The following CPB2 variants were observed in gnomAD, a reference collection of about 807,000 sequenced individuals.
CPB2 encodes carboxypeptidase B-like protein.
In CPB2, 54 loss-of-function variants were observed where a neutral mutation model predicts 57.0. That is an observed-to-expected ratio of 0.95 (90% CI 0.76 to 1.19). The LOEUF (loss-of-function observed/expected upper bound fraction) is 1.19, where lower values mean the gene tolerates loss of function less well. Ranked by LOEUF, CPB2 falls within the 50% of genes most tolerant of loss-of-function variation. The pLI, the probability that CPB2 is intolerant of heterozygous loss-of-function variation, is 0.00. For synonymous variants in CPB2, 189 were observed against 178.1 expected, an observed-to-expected ratio of 1.06 and a Z score of -0.49; for missense variants, 426 against 512.0, an observed-to-expected ratio of 0.83 and a Z score of 1.62.
chr13:46,072,316 C>A (rs911719095), intron 6 of CPB2, among the ~76,000 whole-genome samples: 2 of 152,132 alleles, frequency 1.3e-5, no homozygotes, highest in Admixed American at 6.5e-5. Context: ...CCTACCTTCA[C>A]AATTGTTGAA....
intron 1 of CPB2, among the ~76,000 whole-genome samples, chr13:46,102,631 C>G (rs2045451235): frequency 6.8e-6 from 1 of 146,528 alleles, no homozygotes; most frequent in Admixed American, 6.8e-5. Context: ...TATTCTGAAC[C>G]CCAGCAACAA....
Position 46,087,781 on chromosome 13 carries a change from T to C in CPB2, c.114A>G (p.Gln38=). Reference sequence around the variant, plus strand: ...TAGTAAGATTCTGTAGAACTTGAACTTGCCTAGAGGTTCTAGGAAGAGCAG... The same window carrying C: ...TAGTAAGATTCTGTAGAACTTGAACCTGCCTAGAGGTTCTAGGAAGAGCAG... The part of the protein sequence containing the change: ...VLAALPRTSR[Q]VQVLQNLTTT... The change falls in exon 2 of 11, where the codon CAA becomes CAG. Residue 38 remains glutamine, a synonymous_variant. Transcript: ENST00000181383. 2 of 1,611,396 alleles carry C rather than the reference T, an allele frequency of 1.2e-6. No individual in the cohort carries two copies. The highest frequency in any genetic ancestry group is 1.7e-6 in the Non-Finnish European group (2 of 1,179,008).
intron 6 of CPB2, among the ~76,000 whole-genome samples, chr13:46,072,206 T>G (rs2044953007): frequency 6.6e-6 from 1 of 152,238 alleles, no homozygotes; most frequent in African/African-American, 2.4e-5. Context: ...GACTAGATTA[T>G]AAGATTTTTG....
chr13:46,092,182 C>G (rs2045303118), intron 1 of CPB2, among the ~76,000 whole-genome samples: 1 of 152,168 alleles, frequency 6.6e-6, no homozygotes, highest in Non-Finnish European at 1.5e-5. Flanking sequence ...CAGTTATACC[C>G]TCCTTTATGA....
chr13:46,097,953 C>T (rs1456340289), intron 1 of CPB2, among the ~76,000 whole-genome samples: 1 of 152,204 alleles, frequency 6.6e-6, no homozygotes, highest in African/African-American at 2.4e-5. Context: ...TCAGTTTCCT[C>T]ATGCTGATTG....
intron 8 of CPB2, among the ~76,000 whole-genome samples, chr13:46,062,178 G>A (rs752070679): frequency 6.6e-6 from 1 of 151,868 alleles, no homozygotes; most frequent in Non-Finnish European, 1.5e-5. Context: ...TGACTACTTG[G>A]CTATCCAAAT....
chr13:46,101,547 G>A (rs1242248051), intron 1 of CPB2, among the ~76,000 whole-genome samples: 1 of 152,110 alleles, frequency 6.6e-6, no homozygotes, highest in East Asian at 1.9e-4. Flanking sequence ...ACCCCACTAC[G>A]CAAAATGTCA....
chr13:46,070,221 G>A (rs757138661), intron 6 of CPB2, among the ~76,000 whole-genome samples: 1 of 152,140 alleles, frequency 6.6e-6, no homozygotes, highest in Non-Finnish European at 1.5e-5. Flanking sequence ...GTAGGCTAAC[G>A]TAAGTGTTCT....
chr13:46,094,668 G>A (rs941674240), intron 1 of CPB2, among the ~76,000 whole-genome samples: 1 of 152,162 alleles, frequency 6.6e-6, no homozygotes, highest in Non-Finnish European at 1.5e-5. Context: ...GCAGCCAGAG[G>A]ACCATGACCC....
chr13:46,080,056 A>G (rs1284726687), intron 4 of CPB2, among the ~76,000 whole-genome samples: 2 of 152,244 alleles, frequency 1.3e-5, no homozygotes, highest in East Asian at 3.8e-4. Flanking sequence ...TTGATACTTC[A>G]GTAGATTTCC....
chr13:46,056,646 C>G (rs1423427889), intron 9 of CPB2, among the ~76,000 whole-genome samples: 2 of 152,156 alleles, frequency 1.3e-5, no homozygotes, highest in African/African-American at 4.8e-5. Context: ...CCTTCAGAAG[C>G]CAACCTAATC....
intron 7 of CPB2, 143 bp from the exon 8 acceptor site, chr13:46,064,884 T>A: frequency 1.5e-6 from 1 of 658,002 alleles, no homozygotes; most frequent in South Asian, 1.7e-5. Flanking sequence ...ACATCACTGT[T>A]GTTGCAATAT....
intron 8 of CPB2, among the ~76,000 whole-genome samples, chr13:46,063,375 G>C (rs141225210): frequency 0.011 from 1,707 of 152,142 alleles, 35 homozygotes; most frequent in African/African-American, 0.038. Context: ...TTATGTCTGT[G>C]TATACTCAGT....
chr13:46,091,931 A>C (rs993313717), intron 1 of CPB2, among the ~76,000 whole-genome samples: 2 of 152,236 alleles, frequency 1.3e-5, no homozygotes, highest in Non-Finnish European at 2.9e-5. Flanking sequence ...GTTAACGGCA[A>C]TGGCATTCTC....
rs536266491 is a variant in CPB2 at position 46,089,532 on chromosome 13, G to C, written c.75-1712C>G. On this transcript the variant is annotated intron_variant, in intron 1 of 10. Coordinates refer to ENST00000181383, the MANE Select transcript of CPB2 (RefSeq NM_001872.5). ...CCAAGTTGAAGGAGAGCACCAGGGAGAGTTCTATGACCTTCATCAATTAGT... is the reference window on the plus strand; with the variant it reads ...CCAAGTTGAAGGAGAGCACCAGGGACAGTTCTATGACCTTCATCAATTAGT... 1.3e-4 allele frequency among the ~76,000 whole-genome samples: 20 copies of C among 152,288 alleles called. No homozygotes were observed. In the South Asian group the frequency reaches 4.1e-3, roughly 32 times the overall value.
chr13:46,070,416 A>G (rs900660351), intron 6 of CPB2, among the ~76,000 whole-genome samples: 7 of 152,174 alleles, frequency 4.6e-5, no homozygotes, highest in Non-Finnish European at 1.0e-4. Context: ...AGGAGAATGG[A>G]GAAGAGTGTA....
intron 1 of CPB2, among the ~76,000 whole-genome samples, chr13:46,094,289 T>C (rs2045335251): frequency 6.6e-6 from 1 of 152,192 alleles, no homozygotes; most frequent in Non-Finnish European, 1.5e-5. Flanking sequence ...AGGCCATGCT[T>C]TCTCCAAGCT....
intron 6 of CPB2, among the ~76,000 whole-genome samples, chr13:46,071,503 A>G (rs1295936561): frequency 2.0e-5 from 3 of 152,212 alleles, no homozygotes; most frequent in African/African-American, 7.2e-5. Context: ...ACAGAGAACA[A>G]GGAACTGTGA....
rs1003467763 is a variant in CPB2, at chr13:46,082,374, C to A, written c.384+67G>T. ...CACCAATTATGATTCTTGAATATTCCCCTGATTGAAATGGCAATACTGGTT... is the reference window on the plus strand; with the variant it reads ...CACCAATTATGATTCTTGAATATTCACCTGATTGAAATGGCAATACTGGTT... On this transcript the variant is annotated intron_variant, in intron 4 of 10. Coordinates refer to ENST00000181383, the MANE Select transcript of CPB2 (RefSeq NM_001872.5). 3.5e-6 allele frequency: 3 copies of A among 856,360 alleles called. No homozygotes were observed. The African/African-American group carries it at 5.1e-5, about 14-fold the overall frequency. The allele number at this position is 856,360 out of a possible 1,614,324, so 53.0% of individuals were successfully genotyped here. A position where few individuals can be genotyped will look rare whatever the true frequency, so the allele number is the denominator to read the frequency against.
Sources: allele counts gnomAD v4.1 joint callset (sites outside exome capture counted in the v4.1 genomes callset), GRCh38; gene constraint gnomAD v4.1.1; transcripts MANE v1.5; gene names NCBI Gene and HGNC (gene_info 2026-07-23, HGNC 2026-07-21).